The following KLC1 variants were observed in gnomAD, a reference collection of about 807,000 sequenced individuals.
The protein encoded by KLC1 is kinesin light chain 1.
KLC1 carries 30 observed loss-of-function variants against 84.2 expected under a neutral mutation model. The observed-to-expected ratio is 0.36, with a 90% CI of 0.27 to 0.48. The LOEUF is 0.48. Ranked by LOEUF, KLC1 falls within the 20% of genes least tolerant of loss-of-function variation. KLC1 has a pLI of 0.99. For synonymous variants in KLC1, 289 were observed against 293.3 expected, an observed-to-expected ratio of 0.99 and a Z score of 0.15; for missense variants, 499 against 805.4, an observed-to-expected ratio of 0.62 and a Z score of 4.60.
chr14:103,677,665 A>G (rs2081012888), intron 12 of KLC1, 142 bp downstream of exon 12: 2 of 646,446 alleles, frequency 3.1e-6, no homozygotes, highest in Non-Finnish European at 5.4e-6. Flanking sequence ...TATATTGTTT[A>G]AAAGAGCATG....
chr14:103,636,551 C>T lies in KLC1; in HGVS notation c.-2+7057C>T, dbSNP rs549004950. 4.6e-5 allele frequency among the ~76,000 whole-genome samples: 7 copies of T among 151,802 alleles called. No individual in the cohort carries two copies. In the East Asian group the frequency reaches 7.8e-4, roughly 17 times the overall value. ...GTCTTTTTCATCTGAGCCATTCTAG[C>T]GGGGTATAGTGGCATCTTGTTAGTT... On this transcript the variant is annotated intron_variant, in intron 1 of 16. Transcript: ENST00000334553.
At position 103,701,368 on chromosome 14, in the gene KLC1, G is replaced by A. The variant is rs1376367246; in HGVS notation, c.*169G>A. ...TGATACTAATAACCACACGGCTGGC[G>A]TGACCTTGGGGCTGGGGCTGGGCCT... On this transcript the variant is annotated 3_prime_UTR_variant, in exon 17 of 17. Coordinates refer to ENST00000334553, the MANE Select transcript of KLC1 (RefSeq NM_001394837.1). 17 of 692,976 alleles carry A rather than the reference G, an allele frequency of 2.5e-5. No homozygotes were observed. The highest frequency in any genetic ancestry group is 3.2e-5 in the Non-Finnish European group (14 of 432,090). The allele number at this position is 692,976 out of a possible 1,614,324, so 42.9% of individuals were successfully genotyped here.
At chr14:103,676,860 T>TAAGA (rs201390883) in intron 11 of KLC1, among the ~76,000 whole-genome samples, 11 of 151,976 alleles carry the variant, frequency 7.2e-5, no homozygotes, top group East Asian at 1.9e-4. Flanking sequence ...GTTTGAAAAA[T>TAAGA]AAGAAAGAAA....
rs776250580 is a variant in KLC1, at chr14:103,698,997, G to A, written c.1849-1658G>A. On this transcript the variant is annotated intron_variant, in intron 15 of 16. Coordinates refer to ENST00000334553, the MANE Select transcript of KLC1 (RefSeq NM_001394837.1). ...AGCCCAGGTTATGCCAAGGGCTGGG[G>A]AAACACGTTCGTCCCAGAACCTGAG... 7 of 1,593,822 alleles carry A rather than the reference G, an allele frequency of 4.4e-6. No individual in the cohort carries two copies. The highest frequency in any genetic ancestry group is 2.3e-5 in the East Asian group (1 of 43,574).
At chr14:103,675,518 A>G (rs751048429) in intron 9 of KLC1, 34 bp from the exon 10 acceptor site, 5 of 1,591,026 alleles carry the variant, frequency 3.1e-6, no homozygotes, top group Non-Finnish European at 4.3e-6. Flanking sequence ...TGGATTAAGG[A>G]TGCTCAACCT....
chr14:103,677,385 TA>T (rs1463852481), intron 11 of KLC1, 29 bp from the exon 12 acceptor site: 1 of 1,309,788 alleles, frequency 7.6e-7, no homozygotes, highest in Non-Finnish European at 1.1e-6. Flanking sequence ...TTATATGTCA[TA>T]GTTCTGTATG....
intron 2 of KLC1, among the ~76,000 whole-genome samples, chr14:103,656,107 C>A (rs1157741936): frequency 6.6e-6 from 1 of 152,110 alleles, no homozygotes; most frequent in Non-Finnish European, 1.5e-5. Context: ...CCTGTTCTAG[C>A]ATAGGGGAAG....
chr14:103,695,170 A>G, intron 15 of KLC1: 1 of 910,816 alleles, frequency 1.1e-6, no homozygotes, highest in Non-Finnish European at 1.3e-6. Context: ...ATATATATAT[A>G]TATGGCTGGG....
chr14:103,667,829 T>C (rs1304858572), intron 5 of KLC1, among the ~76,000 whole-genome samples: 1 of 152,224 alleles, frequency 6.6e-6, no homozygotes, highest in African/African-American at 2.4e-5. Flanking sequence ...GCCAGGCAGT[T>C]ACTACTACTC....
In KLC1 at chr14:103,693,744, A is replaced by T; in HGVS notation, c.1848+1319A>T. 3 of 1,449,992 alleles carry T rather than the reference A, an allele frequency of 2.1e-6. No individual in the cohort carries two copies. The highest frequency in any genetic ancestry group is 2.7e-6 in the Non-Finnish European group (3 of 1,104,996). 89.8% of individuals were successfully genotyped at this position (1,449,992 alleles called of 1,614,324 possible). A position where few individuals can be genotyped will look rare whatever the true frequency, so the allele number is the denominator to read the frequency against. On this transcript the variant is annotated intron_variant, in intron 15 of 16. Transcript: ENST00000334553. This position sits in a 1 kb window ranked among gnomAD's most constrained non-coding sequence, Gnocchi z 5.1. ...CTTCCTTTCCTAGATAGTGACGTCC[A>T]CCAACCTTGGAGGTGCCTTTTCAAA...
chr14:103,636,889 A>ATT (rs533299003), intron 1 of KLC1, among the ~76,000 whole-genome samples: 1 of 144,160 alleles, frequency 6.9e-6, no homozygotes, highest in African/African-American at 2.5e-5. Context: ...CGCCCAGCTA[A>ATT]TTTTTTTTTT....
At chr14:103,670,494 G>A (rs533673725) in intron 7 of KLC1, among the ~76,000 whole-genome samples, 17 of 151,876 alleles carry the variant, frequency 1.1e-4, no homozygotes, top group African/African-American at 3.6e-4. Context: ...ACACCACCAC[G>A]TCCACCTAAT....
chr14:103,637,359 G>C (rs188384996), intron 1 of KLC1, among the ~76,000 whole-genome samples: 1 of 151,724 alleles, frequency 6.6e-6, no homozygotes, highest in East Asian at 2.0e-4. Context: ...GTGAAACCCC[G>C]TCTCTACTAA....
At chr14:103,668,281 C>T (rs1180489582) in intron 5 of KLC1, among the ~76,000 whole-genome samples, 1 of 152,158 alleles carries the variant, frequency 6.6e-6, no homozygotes, top group Non-Finnish European at 1.5e-5. Context: ...GACTGTTGCA[C>T]TTATTCTGTG....
intron 13 of KLC1, chr14:103,686,100 C>G (rs2081763883): frequency 1.0e-6 from 1 of 999,314 alleles, no homozygotes; most frequent in East Asian, 1.1e-4. Context: ...GGATATGCCC[C>G]AGTAGCATTT....
chr14:103,684,891 CATCCTTTT>C, intron 13 of KLC1: 1 of 714,748 alleles, frequency 1.4e-6, no homozygotes, highest in Non-Finnish European at 2.6e-6. Flanking sequence ...AGCATTTTAG[CATCCTTTT>C]TCTCAAGAGC....
rs910489217 is a variant in KLC1, at chr14:103,662,704, C to T, written c.574C>T (p.Gln192Ter). Reference protein sequence around the residue: ...NDEDDPGQGIQQQHSSAAAAA... With the variant: ...NDEDDPGQGI The stretch of plus-strand genomic sequence containing the variant: ...TGAAGTGAACTTTCTCGGTGCAGTC[C>T]AGCAGCAGCACAGCAGTGCAGCCGC... The change falls in exon 5 of 17, where the codon CAG (glutamine) becomes TAG (stop). Residue 192 changes from glutamine to a stop codon, truncating the protein, a stop_gained and splice_region_variant. Coordinates refer to ENST00000334553, the MANE Select transcript of KLC1 (RefSeq NM_001394837.1). LOFTEE classifies it high-confidence loss of function. The T allele has an allele frequency of 6.3e-7, 1 of 1,576,048 alleles. No homozygotes were observed. Among genetic ancestry groups the T allele is most frequent in the Non-Finnish European group, 8.6e-7 (1 of 1,161,754 alleles).
intron 1 of KLC1, among the ~76,000 whole-genome samples, chr14:103,639,981 C>G (rs1291689893): frequency 6.6e-6 from 1 of 152,020 alleles, no homozygotes; most frequent in Non-Finnish European, 1.5e-5. Flanking sequence ...CTTTGAAATC[C>G]TGAGCTCAAG....
intron 12 of KLC1, 94 bp from the exon 13 acceptor site, chr14:103,679,288 GTT>G (rs369024927): frequency 2.3e-3 from 2,495 of 1,092,222 alleles, no homozygotes; most frequent in Admixed American, 2.6e-3. Context: ...ATTAAGAACT[GTT>G]TTTTTTTTTT....
Sources: allele counts gnomAD v4.1 joint callset (sites outside exome capture counted in the v4.1 genomes callset), GRCh38; gene constraint gnomAD v4.1.1; non-coding constraint Gnocchi (gnomAD v3.1); transcripts MANE v1.5; gene names NCBI Gene and HGNC (gene_info 2026-07-23, HGNC 2026-07-21).